Variants in TRIM71 observed in about 807,000 individuals in gnomAD.
TRIM71 encodes E3 ubiquitin-protein ligase TRIM71.
A neutral mutation model predicts 61.2 loss-of-function variants in TRIM71; 9 were observed. That is an observed-to-expected ratio of 0.15 (90% confidence interval 0.09 to 0.26). The LOEUF (loss-of-function observed/expected upper bound fraction) is 0.26. TRIM71 is among the 10% of genes least tolerant of loss of function. The pLI is 1.00. For synonymous variants in TRIM71, 645 were observed against 553.2 expected (o/e 1.17, Z -2.33); for missense variants, 998 against 1,238.7 (o/e 0.81, Z 2.92).
chr3:32,827,570 A>AT (rs777749587), intron 1 of TRIM71, among the ~76,000 whole-genome samples: 33 of 152,202 alleles, frequency 2.2e-4, no homozygotes, highest in South Asian at 6.2e-4. Flanking sequence ...AAGGGGGGAT[A>AT]ATTCTTGATT....
rs114225554 is a variant in TRIM71 at position 32,856,922 on chromosome 3, C to T, written c.853-16896C>T. Among the ~76,000 whole-genome samples the T allele has an allele frequency of 3.8e-3, 579 of 152,260 alleles. 1 individual carries two copies. The highest frequency in any genetic ancestry group is 0.014 in the Middle Eastern group (4 of 294). On this transcript the variant is annotated intron_variant, in intron 1 of 3. Coordinates refer to ENST00000383763, the MANE Select transcript of TRIM71 (RefSeq NM_001039111.3). The stretch of plus-strand genomic sequence containing the variant: ...CAGGATGAATTCTCCACCACCACCC[C>T]GAGAGGAAATGTAGTATCCCCATTT...
At position 32,818,197 on chromosome 3, in the gene TRIM71, C is replaced by T. The variant is rs370020164; in HGVS notation, c.117C>T (p.Ser39=). The part of the protein sequence containing the change: ...SSASSSSSQT[S]TSSGGGGGGP... ...CGTCGTCGTCCTCCTCGCAGACGTC[C>T]ACGTCGTCGGGGGGCGGCGGCGGGG... The change falls in exon 1 of 4, where the codon TCC becomes TCT. Residue 39 remains serine (S), a synonymous_variant. Transcript: ENST00000383763. The T allele has an allele frequency of 1.3e-6, 2 of 1,577,198 alleles. No individual in the cohort carries two copies. The highest frequency in any genetic ancestry group is 8.6e-7 in the Non-Finnish European group (1 of 1,165,024).
intron 1 of TRIM71, among the ~76,000 whole-genome samples, chr3:32,858,477 A>T (rs982488508): frequency 2.0e-5 from 3 of 152,196 alleles, no homozygotes; most frequent in African/African-American, 7.2e-5. Context: ...CTGTGGCCTC[A>T]TAGTCTCTGA....
chr3:32,884,427 G>A (rs1248088742), intron 2 of TRIM71, among the ~76,000 whole-genome samples: 2 of 152,058 alleles, frequency 1.3e-5, no homozygotes, highest in Non-Finnish European at 2.9e-5. Context: ...GCCAGGCGCA[G>A]TGGCTCATGC....
In TRIM71 at chr3:32,891,928, CTTTTTTCT is replaced by C; in HGVS notation, c.*124_*131del. 1.5e-6 allele frequency: 2 copies of C among 1,373,944 alleles called. No homozygotes were observed. The highest frequency in any genetic ancestry group is 1.9e-6 in the Non-Finnish European group (2 of 1,049,556). The allele number at this position is 1,373,944 out of a possible 1,614,324, so 85.1% of individuals were successfully genotyped here. ...AGAAGAAACAGTCTCAGGGAAATTTCTTTTTTCTTTTTTTTTTTTAAAGAGAACAAGAA... is the reference window on the plus strand; with the variant it reads ...AGAAGAAACAGTCTCAGGGAAATTTCTTTTTTTTTTTAAAGAGAACAAGAA... On this transcript the variant is annotated 3_prime_UTR_variant, in exon 4 of 4. Transcript: ENST00000383763. This position sits in a 1 kb window ranked among gnomAD's most constrained non-coding sequence, Gnocchi z 8.2.
chr3:32,865,123 A>G (rs1696717977), intron 1 of TRIM71, among the ~76,000 whole-genome samples: 1 of 151,996 alleles, frequency 6.6e-6, no homozygotes, highest in South Asian at 2.1e-4. Context: ...AGGTCAGGAG[A>G]TTGAGACCAT....
intron 1 of TRIM71, among the ~76,000 whole-genome samples, chr3:32,872,985 T>G (rs1696811794): frequency 6.6e-6 from 1 of 152,120 alleles, no homozygotes; most frequent in Non-Finnish European, 1.5e-5. Context: ...CTGGCCCAGT[T>G]TCTATGCCAA....
Position 32,891,328 on chromosome 3 carries a change from G to A in TRIM71, c.2124G>A (p.Val708=). ...TCAACTACCCTTGGGATGTGGCGGT[G>A]AATTCTGAGGGCAAGATCCTGGTCT... ...GQFNYPWDVA[V]NSEGKILVSD... Residue 708 remains valine (V), a synonymous_variant, in exon 4 of 4, where the codon GTG becomes GTA. Coordinates refer to ENST00000383763, the MANE Select transcript of TRIM71 (RefSeq NM_001039111.3). The surrounding 1 kb of genome is among the most constrained non-coding windows in gnomAD (Gnocchi z 8.2). 6.2e-7 allele frequency: 1 copy of A among 1,614,086 alleles called. No homozygotes were observed. The highest frequency in any genetic ancestry group is 8.5e-7 in the Non-Finnish European group (1 of 1,180,022).
rs1049009334 is a variant in TRIM71, at chr3:32,894,395, C to A, written c.*2584C>A. Reference sequence around the variant, plus strand: ...TTTGACATTTTACTATGGATGTGATCGAAAAGCCAAGATTTTCGCTCCATG... The same window carrying A: ...TTTGACATTTTACTATGGATGTGATAGAAAAGCCAAGATTTTCGCTCCATG... On this transcript the variant is annotated 3_prime_UTR_variant, in exon 4 of 4. Transcript: ENST00000383763. 5.3e-5 allele frequency: 8 copies of A among 152,052 alleles called. No individual in the cohort carries two copies. The highest frequency in any genetic ancestry group is 3.9e-4 in the Admixed American group (6 of 15,254). 9.4% of individuals were successfully genotyped at this position (152,052 alleles called of 1,614,324 possible).
At chr3:32,865,805 CCCGCCCCACCTTTTT>C (rs1696728257) in intron 1 of TRIM71, among the ~76,000 whole-genome samples, 1 of 53,442 alleles carries the variant, frequency 1.9e-5, no homozygotes, top group Non-Finnish European at 3.7e-5. Flanking sequence ...CCCCCCCCCC[CCCGCCCCACCTTTTT>C]TTTTTTTTTT....
intron 1 of TRIM71, among the ~76,000 whole-genome samples, chr3:32,863,097 C>T (rs1037090993): frequency 5.3e-5 from 8 of 151,168 alleles, no homozygotes; most frequent in South Asian, 2.1e-4. Flanking sequence ...AAGAGTGCTG[C>T]GCTGTGGCCA....
At chr3:32,862,024 T>C (rs1696674981) in intron 1 of TRIM71, among the ~76,000 whole-genome samples, 1 of 152,224 alleles carries the variant, frequency 6.6e-6, no homozygotes, top group African/African-American at 2.4e-5. Context: ...TGAACAACTC[T>C]GTATTAAAAC....
intron 1 of TRIM71, among the ~76,000 whole-genome samples, chr3:32,857,591 A>G (rs1244266270): frequency 1.3e-5 from 2 of 152,212 alleles, no homozygotes; most frequent in East Asian, 3.8e-4. Context: ...GTCAATTAAT[A>G]CATGTATTAT....
At chr3:32,865,650 T>G (rs1184149161) in intron 1 of TRIM71, among the ~76,000 whole-genome samples, 1 of 152,106 alleles carries the variant, frequency 6.6e-6, no homozygotes, top group African/African-American at 2.4e-5. Flanking sequence ...TTAATAGTTC[T>G]GATAGTTCCT....
chr3:32,825,186 A>G (rs1419132932), intron 1 of TRIM71, among the ~76,000 whole-genome samples: 3 of 152,206 alleles, frequency 2.0e-5, no homozygotes, highest in Admixed American at 6.5e-5. Context: ...TTCTCCTCAC[A>G]TGTAAAATTA....
chr3:32,877,158 C>T (rs1439706588), intron 2 of TRIM71, among the ~76,000 whole-genome samples: 1 of 152,166 alleles, frequency 6.6e-6, no homozygotes, highest in Non-Finnish European at 1.5e-5. Flanking sequence ...GGCTGGAGTG[C>T]AATGGTGCAA....
intron 1 of TRIM71, among the ~76,000 whole-genome samples, chr3:32,820,950 A>G (rs1696120460): frequency 6.6e-6 from 1 of 152,286 alleles, no homozygotes; most frequent in South Asian, 2.1e-4. Context: ...AACATTTCGG[A>G]AGTTGTTTGG....
rs1170777787 is a variant in TRIM71 at position 32,833,183 on chromosome 3, TTAAA to T, written c.852+14252_852+14255del. On this transcript the variant is annotated intron_variant, in intron 1 of 3. Transcript: ENST00000383763. ...CGGTGACAAGAATGAAACTCTGTCT[TTAAA>T]AAAAAAAAAAAAAAAAAAAAAAAAA... Among the ~76,000 whole-genome samples, 13 of 39,138 alleles carry T rather than the reference TTAAA, an allele frequency of 3.3e-4. 1 individual carries two copies. The East Asian group carries it at 0.024, about 72-fold the overall frequency. 25.7% of individuals were successfully genotyped at this position (39,138 alleles called of 152,430 possible).
rs553984129 is a variant in TRIM71, at chr3:32,849,959, A to T, written c.853-23859A>T. The stretch of plus-strand genomic sequence containing the variant: ...TAGCTCCTAAGATTGTGTGGCTCAA[A>T]GCGTTCTTGGGGTATGTCTTCAGTG... On this transcript the variant is annotated intron_variant, in intron 1 of 3. Coordinates refer to ENST00000383763, the MANE Select transcript of TRIM71 (RefSeq NM_001039111.3). Among the ~76,000 whole-genome samples, 4 of 152,324 alleles carry T rather than the reference A, an allele frequency of 2.6e-5. No individual in the cohort carries two copies. The East Asian group carries it at 7.7e-4, about 29-fold the overall frequency.
Sources: gnomAD v4.1 joint callset for allele counts (sites outside exome capture counted in the v4.1 genomes callset) on GRCh38, gnomAD v4.1.1 for gene constraint, Gnocchi (gnomAD v3.1) non-coding constraint, MANE v1.5 for transcripts, NCBI Gene and HGNC (gene_info 2026-07-23, HGNC 2026-07-21) for gene names.